The following PTPRM variants were observed in gnomAD, a reference collection of about 807,000 sequenced individuals.
PTPRM encodes protein tyrosine phosphatase receptor type M.
In PTPRM, 47 loss-of-function variants were observed where a neutral mutation model predicts 186.7. The observed-to-expected ratio is 0.25, with a 90% CI of 0.20 to 0.32. The LOEUF (loss-of-function observed/expected upper bound fraction) is 0.32. Ranked by LOEUF, PTPRM falls within the 10% of genes least tolerant of loss-of-function variation. The probability of loss-of-function intolerance (pLI) is 1.00; values close to 1 mark genes in which losing one functional copy is unlikely to be tolerated. For synonymous variants in PTPRM, 668 were observed against 674.9 expected (o/e 0.99, Z 0.16); for missense variants, 1,494 against 1,865.0 (o/e 0.80, Z 3.66).
At chr18:7,773,633 T>C (rs2042440060) in intron 1 of PTPRM, among the ~76,000 whole-genome samples, 1 of 151,284 alleles carries the variant, frequency 6.6e-6, no homozygotes, top group Non-Finnish European at 1.5e-5. Flanking sequence ...TCGCCCAGGC[T>C]GGAGTGCAAT....
intron 14 of PTPRM, among the ~76,000 whole-genome samples, chr18:8,205,304 A>T (rs1237091318): frequency 6.6e-6 from 1 of 152,278 alleles, no homozygotes; most frequent in African/African-American, 2.4e-5. Flanking sequence ...ACAAAAAAAA[A>T]CCCTGCAATG....
At chr18:8,263,555 A>T (rs1232440819) in intron 19 of PTPRM, among the ~76,000 whole-genome samples, 2 of 152,192 alleles carry the variant, frequency 1.3e-5, no homozygotes, top group Non-Finnish European at 2.9e-5. Flanking sequence ...AGCATCTTTT[A>T]CTAAAATCTA....
chr18:7,865,255 A>G (rs1383768607), intron 2 of PTPRM, among the ~76,000 whole-genome samples: 1 of 152,142 alleles, frequency 6.6e-6, no homozygotes, highest in Admixed American at 6.6e-5. Flanking sequence ...GTGGTGAGAG[A>G]GGGCATCTTT....
intron 12 of PTPRM, among the ~76,000 whole-genome samples, chr18:8,114,529 G>A (rs2091884936): frequency 6.6e-6 from 1 of 152,096 alleles, no homozygotes; most frequent in South Asian, 2.1e-4. Flanking sequence ...CTTACTAAAG[G>A]AGGTCCGGGG....
chr18:8,406,418 C>A lies in PTPRM; in HGVS notation c.*256C>A. On this transcript the variant is annotated 3_prime_UTR_variant, in exon 33 of 33. Coordinates refer to ENST00000580170, the MANE Select transcript of PTPRM (RefSeq NM_001105244.2). ...CCTTGCCACCGGCTTCCTAGAGCAG[C>A]GTAGACAGCTGGTAAACTGAAGAGC... 4.2e-6 allele frequency: 2 copies of A among 478,108 alleles called. No individual in the cohort carries two copies. Among genetic ancestry groups the A allele is most frequent in the South Asian group, 5.7e-5 (2 of 35,364 alleles). 29.6% of individuals were successfully genotyped at this position (478,108 alleles called of 1,614,324 possible). A position where few individuals can be genotyped will look rare whatever the true frequency, so the allele number is the denominator to read the frequency against.
At chr18:8,360,242 C>T (rs1404636951) in intron 23 of PTPRM, among the ~76,000 whole-genome samples, 1 of 152,016 alleles carries the variant, frequency 6.6e-6, no homozygotes, top group Non-Finnish European at 1.5e-5. Flanking sequence ...AATTCACTGC[C>T]TCAGAATTTT....
chr18:8,195,177 A>C (rs112636170), intron 14 of PTPRM, among the ~76,000 whole-genome samples: 1 of 138,286 alleles, frequency 7.2e-6, no homozygotes, highest in African/African-American at 2.8e-5. Flanking sequence ...TTTTTTTTTA[A>C]ATAATGTTCT....
chr18:8,159,959 G>A (rs891895844), intron 14 of PTPRM, among the ~76,000 whole-genome samples: 8 of 152,126 alleles, frequency 5.3e-5, no homozygotes, highest in African/African-American at 1.9e-4. Flanking sequence ...CCTACGTGTA[G>A]TAGTATGAAT....
intron 1 of PTPRM, among the ~76,000 whole-genome samples, chr18:7,649,520 G>A (rs2038644779): frequency 6.6e-6 from 1 of 152,214 alleles, no homozygotes; most frequent in Admixed American, 6.5e-5. Context: ...ATTCATGGGA[G>A]GAGGTGAACA....
chr18:8,076,612 C>A, intron 9 of PTPRM, 48 bp downstream of exon 9: 3 of 983,164 alleles, frequency 3.1e-6, no homozygotes, highest in Non-Finnish European at 4.8e-6. Flanking sequence ...TACTCATGAT[C>A]ATGATAATGT....
At chr18:7,772,745 C>A (rs867902) in intron 1 of PTPRM, among the ~76,000 whole-genome samples, 71,055 of 151,782 alleles carry the variant, frequency 0.47, 18,066 homozygotes, top group East Asian at 0.86. Context: ...TGAGGTTGGA[C>A]AATGGCTGTT....
At chr18:7,681,051 C>A (rs2039468763) in intron 1 of PTPRM, among the ~76,000 whole-genome samples, 1 of 152,148 alleles carries the variant, frequency 6.6e-6, no homozygotes, top group African/African-American at 2.4e-5. Flanking sequence ...CCTCCTTGAG[C>A]CCCTGGGAAA....
intron 1 of PTPRM, among the ~76,000 whole-genome samples, chr18:7,643,629 T>C (rs1272856917): frequency 6.6e-6 from 1 of 152,200 alleles, no homozygotes; most frequent in Non-Finnish European, 1.5e-5. Flanking sequence ...CATGAGCCAC[T>C]GTGCCCAGCC....
At chr18:8,223,880 C>T (rs767764786) in intron 14 of PTPRM, among the ~76,000 whole-genome samples, 23 of 152,150 alleles carry the variant, frequency 1.5e-4, no homozygotes, top group Non-Finnish European at 2.4e-4. Flanking sequence ...GGAGAGCTTT[C>T]GAGTACCTTC....
chr18:7,944,012 C>A (rs1379809328), intron 5 of PTPRM, among the ~76,000 whole-genome samples: 5 of 152,166 alleles, frequency 3.3e-5, no homozygotes, highest in Admixed American at 6.5e-5. Context: ...ACACACAGAA[C>A]CTCTAAAACA....
intron 2 of PTPRM, among the ~76,000 whole-genome samples, chr18:7,854,417 G>A (rs2046998547): frequency 6.6e-6 from 1 of 152,080 alleles, no homozygotes; most frequent in Admixed American, 6.6e-5. Context: ...AATTTTCTAT[G>A]TAAAATCTTG....
intron 1 of PTPRM, among the ~76,000 whole-genome samples, chr18:7,618,558 A>G (rs969037951): frequency 6.6e-6 from 1 of 152,192 alleles, no homozygotes; most frequent in African/African-American, 2.4e-5. Flanking sequence ...GAAAGGAAAA[A>G]AACCCAAAAA....
At chr18:7,789,996 A>T (rs2043262106) in intron 2 of PTPRM, among the ~76,000 whole-genome samples, 1 of 152,174 alleles carries the variant, frequency 6.6e-6, no homozygotes, top group Non-Finnish European at 1.5e-5. Flanking sequence ...GCCATGCCAC[A>T]CTTTAAAATT....
At chr18:7,776,101 G>C (rs1238668362) in intron 2 of PTPRM, among the ~76,000 whole-genome samples, 2 of 152,150 alleles carry the variant, frequency 1.3e-5, no homozygotes, top group African/African-American at 4.8e-5. Context: ...GCCTTTGAAG[G>C]CTCTTCTGAC....
Sources: gnomAD v4.1 joint callset for allele counts (sites outside exome capture counted in the v4.1 genomes callset) on GRCh38, gnomAD v4.1.1 for gene constraint, MANE v1.5 for transcripts, NCBI Gene and HGNC (gene_info 2026-07-23, HGNC 2026-07-21) for gene names.